YTHDC2: variants seen among roughly 807,000 people sequenced by gnomAD.
YTHDC2 encodes the protein YTH N6-methyladenosine RNA binding protein C2.
A neutral mutation model predicts 174.9 loss-of-function variants in YTHDC2; 45 were observed. The ratio of observed to expected loss-of-function variants is 0.26; its 90% CI spans 0.20 to 0.33. The LOEUF (loss-of-function observed/expected upper bound fraction) is 0.33, where lower values mean the gene tolerates loss of function less well. Among genes scored for constraint, YTHDC2 ranks in the 10% least tolerant of loss-of-function variants. YTHDC2 has a pLI of 1.00. For missense variants in YTHDC2, 1,650 were observed against 1,723.7 expected, an observed-to-expected ratio of 0.96 and a Z score of 0.76; for synonymous variants, 657 against 574.5, an observed-to-expected ratio of 1.14 and a Z score of -2.05.
intron 4 of YTHDC2, among the ~76,000 whole-genome samples, chr5:113,527,583 T>C (rs917332925): frequency 2.0e-5 from 3 of 152,174 alleles, no homozygotes; most frequent in African/African-American, 7.2e-5. Flanking sequence ...TGTGATTATA[T>C]TGGTTAGTTT....
chr5:113,573,886 T>G (rs894441571), intron 23 of YTHDC2, among the ~76,000 whole-genome samples: 1 of 152,174 alleles, frequency 6.6e-6, no homozygotes, highest in Non-Finnish European at 1.5e-5. Flanking sequence ...TTCTTAGCTT[T>G]TTTGCATTGG....
rs1225062733 is a variant in YTHDC2 at position 113,514,688 on chromosome 5, C to T, written c.188-584C>T. On this transcript the variant is annotated intron_variant, in intron 1 of 29. Transcript: ENST00000161863. Reference sequence around the variant, plus strand: ...ACCTGCTGGCTTAGTTAGGGGACCTCTTACTCTGGAATCTTATAGTCCAAA... The same window carrying T: ...ACCTGCTGGCTTAGTTAGGGGACCTTTTACTCTGGAATCTTATAGTCCAAA... 2.0e-5 allele frequency among the ~76,000 whole-genome samples: 3 copies of T among 152,054 alleles called. No individual in the cohort carries two copies. The East Asian group carries it at 5.8e-4, about 29-fold the overall frequency.
At chr5:113,535,910 G>A (rs938065656) in intron 7 of YTHDC2, 112 bp downstream of exon 7, 56 of 847,064 alleles carry the variant, frequency 6.6e-5, no homozygotes, top group South Asian at 1.7e-4. Context: ...ATCTATTACC[G>A]TTCCACCTGA....
At chr5:113,568,283 A>AT (rs1777485156) in intron 23 of YTHDC2, among the ~76,000 whole-genome samples, 1 of 152,192 alleles carries the variant, frequency 6.6e-6, no homozygotes, top group African/African-American at 2.4e-5. Context: ...CATTACAGAG[A>AT]TATCAAAAAT....
chr5:113,549,391 T>G (rs1436849914), intron 12 of YTHDC2, among the ~76,000 whole-genome samples: 7 of 152,146 alleles, frequency 4.6e-5, no homozygotes, highest in Admixed American at 2.0e-4. Context: ...ATGTTAATTT[T>G]GGGATGATAG....
At position 113,553,793 on chromosome 5, in the gene YTHDC2, A is replaced by G. The variant is rs763633660; in HGVS notation, c.1991A>G (p.Asn664Ser). 1 of 1,612,576 alleles carries G rather than the reference A, an allele frequency of 6.2e-7. No homozygotes were observed. Among genetic ancestry groups the G allele is most frequent in the South Asian group, 1.1e-5 (1 of 90,832 alleles). ...HRYQVFMLHS[N>S]MQTSDQKKVL... ...TACCAAGTCTTTATGCTTCATTCAA[A>G]TATGCAAACATCCGATCAAAAGAAA... Residue 664 changes from asparagine (N) to serine (S), a missense_variant, in exon 15 of 30, where the codon AAT becomes AGT. By Grantham distance (46) the Asn-to-Ser change is conservative. Transcript: ENST00000161863.
At chr5:113,541,194 T>G (rs1775433882) in intron 9 of YTHDC2, 78 bp downstream of exon 9, 1 of 630,922 alleles carries the variant, frequency 1.6e-6, no homozygotes, top group African/African-American at 6.4e-5. Flanking sequence ...AGCTTATAAT[T>G]TTTTTTTTTT....
intron 17 of YTHDC2, among the ~76,000 whole-genome samples, chr5:113,557,771 G>C (rs1561670390): frequency 6.6e-6 from 1 of 152,160 alleles, no homozygotes; most frequent in African/African-American, 2.4e-5. Flanking sequence ...CTCTACTCCA[G>C]CCGGAGCGAC....
At chr5:113,533,717 A>G (rs1774854458) in intron 5 of YTHDC2, among the ~76,000 whole-genome samples, 1 of 152,180 alleles carries the variant, frequency 6.6e-6, no homozygotes, top group Non-Finnish European at 1.5e-5. Flanking sequence ...TATTATCAGT[A>G]GTAGTATAAA....
intron 23 of YTHDC2, among the ~76,000 whole-genome samples, chr5:113,578,402 G>A (rs945640982): frequency 6.0e-5 from 9 of 149,324 alleles, no homozygotes; most frequent in African/African-American, 1.8e-4. Context: ...GTTTTTTTGT[G>A]TATGTGTTAA....
intron 26 of YTHDC2, among the ~76,000 whole-genome samples, chr5:113,589,452 C>T (rs6594738): frequency 3.5e-5 from 5 of 142,038 alleles, no homozygotes; most frequent in South Asian, 2.2e-4. Context: ...TCTTCTGGCC[C>T]GGCGTGGTTT....
chr5:113,578,173 G>A (rs1348977269), intron 23 of YTHDC2, among the ~76,000 whole-genome samples: 1 of 151,762 alleles, frequency 6.6e-6, no homozygotes, highest in African/African-American at 2.4e-5. Flanking sequence ...GTGTTTGTGT[G>A]TGTGTATCTG....
chr5:113,525,889 G>A (rs994846485), intron 3 of YTHDC2, among the ~76,000 whole-genome samples: 6 of 152,002 alleles, frequency 3.9e-5, no homozygotes, highest in Non-Finnish European at 8.8e-5. Context: ...AGATATCAAA[G>A]AACTTTCACT....
At position 113,553,302 on chromosome 5, in the gene YTHDC2, G is replaced by A; in HGVS notation, c.1810G>A (p.Val604Ile). 1.9e-6 allele frequency: 3 copies of A among 1,611,820 alleles called. No individual in the cohort carries two copies. The highest frequency in any genetic ancestry group is 8.5e-7 in the Non-Finnish European group (1 of 1,179,010). Residue 604 changes from valine (V) to isoleucine (I), a missense_variant, in exon 13 of 30, where the codon GTA (valine) becomes ATA (isoleucine). This residue lies in a region of YTHDC2 where 411 missense variants were observed against 380.6 expected (regional missense o/e 1.08). Transcript: ENST00000161863. The part of the protein sequence containing the change: ...AYHHSFDDEK[V>I]DLDLIMHLLY... ...TCATCATAGTTTCGATGATGAAAAA[G>A]TAGACTTGGATTTGATCATGCATCT...
Position 113,522,146 on chromosome 5 carries a change from T to TTG in YTHDC2, c.279-2834_279-2833insGT, listed in dbSNP as rs1554091423. ...GCCTGTTTTTTTTGTTTTTTGTTTT[T>TTG]TTTTTTTTTGGTGGTGGTTGTTGTT... On this transcript the variant is annotated intron_variant, in intron 2 of 29. Transcript: ENST00000161863. Among the ~76,000 whole-genome samples, 426 of 147,390 alleles carry TTG rather than the reference T, an allele frequency of 2.9e-3. 4 individuals carry two copies. The highest frequency in any genetic ancestry group is 9.8e-3 in the African/African-American group (393 of 40,298).
chr5:113,549,264 C>G (rs760999199), intron 12 of YTHDC2, among the ~76,000 whole-genome samples: 3 of 152,064 alleles, frequency 2.0e-5, no homozygotes, highest in Non-Finnish European at 4.4e-5. Flanking sequence ...TGCATTTTCT[C>G]AAACCTTTTA....
chr5:113,569,989 T>G (rs1390958218), intron 23 of YTHDC2, among the ~76,000 whole-genome samples: 1 of 152,212 alleles, frequency 6.6e-6, no homozygotes, highest in Non-Finnish European at 1.5e-5. Context: ...TTTCCATTTG[T>G]TTATGTCCTC....
At position 113,593,467 on chromosome 5, in the gene YTHDC2, T is replaced by TC; in HGVS notation, c.*8-11dup. The TC allele has an allele frequency of 6.0e-6, 7 of 1,171,554 alleles. No individual in the cohort carries two copies. Among genetic ancestry groups the TC allele is most frequent in the South Asian group, 1.4e-5 (1 of 71,502 alleles). The allele number at this position is 1,171,554 out of a possible 1,614,324, so 72.6% of individuals were successfully genotyped here. A position where few individuals can be genotyped will look rare whatever the true frequency, so the allele number is the denominator to read the frequency against. On this transcript the variant is annotated splice_polypyrimidine_tract_variant and intron_variant, in intron 29 of 29. Coordinates refer to ENST00000161863, the MANE Select transcript of YTHDC2 (RefSeq NM_022828.5). ...CTTTCAGATTATTTATCTTTTTTTT[T>TC]CCCCTTTCTTCTAGAACTCTTAGCT... is the stretch of plus-strand genomic sequence containing the variant.
chr5:113,526,795 T>G lies in YTHDC2; in HGVS notation c.675+10T>G, dbSNP rs192586306. ...TGGAAAGACCACACAGGTTTGTTTC[T>G]TTTTTGTTGTTTATAGAAAAAAAAA... On this transcript the variant is annotated intron_variant, in intron 4 of 29. Coordinates refer to ENST00000161863, the MANE Select transcript of YTHDC2 (RefSeq NM_022828.5). The G allele has an allele frequency of 1.9e-5, 24 of 1,262,354 alleles. No homozygotes were observed. Among genetic ancestry groups the G allele is most frequent in the Non-Finnish European group, 2.4e-5 (24 of 984,242 alleles). The allele number at this position is 1,262,354 out of a possible 1,614,324, so 78.2% of individuals were successfully genotyped here. A position where few individuals can be genotyped will look rare whatever the true frequency, so the allele number is the denominator to read the frequency against.
Sources: gnomAD v4.1 joint callset for allele counts (sites outside exome capture counted in the v4.1 genomes callset) on GRCh38, gnomAD v4.1.1 for gene constraint, gnomAD v4.1.1 regional missense constraint, MANE v1.5 for transcripts, NCBI Gene and HGNC (gene_info 2026-07-23, HGNC 2026-07-21) for gene names.